Variants in GLIS3 observed in about 807,000 individuals in gnomAD.
GLIS3 encodes GLIS family zinc finger 3.
Under a neutral mutation model 78.6 loss-of-function variants are expected in GLIS3, and 53 were observed. That is an observed-to-expected ratio of 0.67 (90% CI 0.54 to 0.85). GLIS3 has a LOEUF of 0.85. GLIS3 is among the 40% of genes least tolerant of loss of function. GLIS3 has a pLI of 0.00. For missense variants in GLIS3, 1,703 were observed against 1,231.1 expected (o/e 1.38, Z -5.74); for synonymous variants, 684 against 509.9 (o/e 1.34, Z -4.60).
At chr9:4,075,907 C>A (rs1828010761) in intron 4 of GLIS3, among the ~76,000 whole-genome samples, 1 of 152,176 alleles carries the variant, frequency 6.6e-6, no homozygotes, top group Non-Finnish European at 1.5e-5. Flanking sequence ...AAAGGCAAAT[C>A]TAATCTAAAG....
the GLIS3 span, among the ~76,000 whole-genome samples, chr9:4,395,777 CTTTTT>C: frequency 7.8e-6 from 1 of 127,724 alleles, no homozygotes; most frequent in African/African-American, 3.0e-5. Context: ...TTCTTTTTTT[CTTTTT>C]TTTTTTTTTT....
chr9:4,483,457 C>T, the GLIS3 span, among the ~76,000 whole-genome samples: 19 of 152,120 alleles, frequency 1.2e-4, no homozygotes, highest in Non-Finnish European at 2.2e-4. Flanking sequence ...CGGTGGCTCA[C>T]GCCTGTAATC....
intron 4 of GLIS3, among the ~76,000 whole-genome samples, chr9:4,111,423 AG>A (rs1831199507): frequency 6.6e-6 from 1 of 152,236 alleles, no homozygotes; most frequent in Non-Finnish European, 1.5e-5. Flanking sequence ...ATTTATTTTA[AG>A]GACAAAGTTC....
At chr9:4,193,066 T>C (rs1335567421) in intron 2 of GLIS3, among the ~76,000 whole-genome samples, 2 of 152,230 alleles carry the variant, frequency 1.3e-5, no homozygotes, top group South Asian at 2.1e-4. Flanking sequence ...GTAGTCCCTG[T>C]TGGCAAACCT....
At chr9:4,070,046 C>G (rs10974314) in intron 4 of GLIS3, among the ~76,000 whole-genome samples, 245 of 152,108 alleles carry the variant, frequency 1.6e-3, no homozygotes, top group African/African-American at 5.8e-3. Flanking sequence ...TCCATTTTGT[C>G]CAGCTTACTT....
intron 2 of GLIS3, among the ~76,000 whole-genome samples, chr9:4,197,329 T>G (rs1223996027): frequency 6.6e-6 from 1 of 152,166 alleles, no homozygotes; most frequent in East Asian, 1.9e-4. Context: ...CCTGGATCAG[T>G]AGCCTAAACT....
chr9:3,956,074 C>T (rs1817091117), intron 4 of GLIS3, among the ~76,000 whole-genome samples: 1 of 149,110 alleles, frequency 6.7e-6, no homozygotes. Context: ...AAGAATTCTT[C>T]ATCCGTGGTC....
chr9:4,421,227 T>A, the GLIS3 span, among the ~76,000 whole-genome samples: 1 of 152,184 alleles, frequency 6.6e-6, no homozygotes, highest in Non-Finnish European at 1.5e-5. Flanking sequence ...ACCAGCTTAC[T>A]AGTGAGCCTG....
chr9:3,985,591 T>C lies in GLIS3; in HGVS notation c.1711-48402A>G, dbSNP rs768241940. On this transcript the variant is annotated intron_variant, in intron 4 of 10. Transcript: ENST00000381971. The stretch of plus-strand genomic sequence containing the variant: ...TGCTCCTCTCTAGAATGTCATCTTC[T>C]ACCACAGATTGTGTAGATATACAAC... 2.0e-5 allele frequency among the ~76,000 whole-genome samples: 3 copies of C among 152,238 alleles called. No homozygotes were observed. In the South Asian group the frequency reaches 6.2e-4, roughly 31 times the overall value.
intron 4 of GLIS3, among the ~76,000 whole-genome samples, chr9:4,040,763 C>T (rs923743986): frequency 2.2e-4 from 34 of 152,290 alleles, no homozygotes; most frequent in Admixed American, 6.5e-4. Flanking sequence ...ATGAGGTGTT[C>T]AGTAGATCGT....
intron 1 of GLIS3, among the ~76,000 whole-genome samples, chr9:4,287,093 T>C (rs1051842653): frequency 2.0e-5 from 3 of 152,212 alleles, no homozygotes; most frequent in Non-Finnish European, 2.9e-5. Flanking sequence ...TATATCCACA[T>C]ATTCATATAT....
intron 7 of GLIS3, 23 bp from the exon 8 acceptor site, chr9:3,879,618 A>G: frequency 6.2e-7 from 1 of 1,613,620 alleles, no homozygotes; most frequent in Non-Finnish European, 8.5e-7. Context: ...GAGAACAAAC[A>G]TGAGACCGTG....
At chr9:3,882,869 T>C (rs1267283435) in intron 7 of GLIS3, among the ~76,000 whole-genome samples, 1 of 152,208 alleles carries the variant, frequency 6.6e-6, no homozygotes, top group Non-Finnish European at 1.5e-5. Flanking sequence ...CTTTCTATAG[T>C]ATAGGAAAAT....
At chr9:3,940,991 A>C (rs1397027439) in intron 4 of GLIS3, among the ~76,000 whole-genome samples, 1 of 152,150 alleles carries the variant, frequency 6.6e-6, no homozygotes, top group Non-Finnish European at 1.5e-5. Flanking sequence ...TCGCCTGGGA[A>C]CTTGTCAGAT....
intron 4 of GLIS3, among the ~76,000 whole-genome samples, chr9:4,092,362 C>T (rs1829592179): frequency 6.6e-6 from 1 of 151,926 alleles, no homozygotes; most frequent in Non-Finnish European, 1.5e-5. Flanking sequence ...CCATGTTAAC[C>T]AGGATGGTCT....
chr9:4,107,231 C>G (rs73392589), intron 4 of GLIS3, among the ~76,000 whole-genome samples: 3,974 of 152,234 alleles, frequency 0.026, 193 homozygotes, highest in African/African-American at 0.092. Context: ...GGGGGCACTT[C>G]TAGTTCCTTG....
At chr9:3,925,419 C>T (rs1047985659) in intron 6 of GLIS3, among the ~76,000 whole-genome samples, 2 of 152,124 alleles carry the variant, frequency 1.3e-5, no homozygotes, top group Admixed American at 6.5e-5. Context: ...CCTGGAATAA[C>T]GTGGTGTCTT....
chr9:4,127,340 A>T (rs948803359), intron 2 of GLIS3, among the ~76,000 whole-genome samples: 3 of 152,126 alleles, frequency 2.0e-5, no homozygotes, highest in African/African-American at 7.2e-5. Context: ...TTCCTTGTAC[A>T]CTTTCCAAGA....
intron 4 of GLIS3, among the ~76,000 whole-genome samples, chr9:3,976,487 G>A (rs752537724): frequency 1.6e-5 from 2 of 125,984 alleles, no homozygotes; most frequent in African/African-American, 8.3e-5. Context: ...CTGTCCCATT[G>A]CCTATTTTTT....
Sources: allele counts gnomAD v4.1 joint callset (sites outside exome capture counted in the v4.1 genomes callset), GRCh38; gene constraint gnomAD v4.1.1; transcripts MANE v1.5; gene names NCBI Gene and HGNC (gene_info 2026-07-23, HGNC 2026-07-21).